Variants in MS4A18 observed in about 807,000 individuals in gnomAD.
The protein encoded by MS4A18 is membrane spanning 4-domains A18, also known as membrane-spanning 4-domains subfamily A member 18.
In MS4A18, 27 loss-of-function variants were observed where a neutral mutation model predicts 13.1. That is an observed-to-expected ratio of 2.06 (90% CI 1.52 to 2.84). MS4A18 has a LOEUF of 2.84. MS4A18 is among the 30% of genes most tolerant of loss of function. The probability of loss-of-function intolerance (pLI) is 0.00; values close to 1 mark genes in which losing one functional copy is unlikely to be tolerated. For synonymous variants in MS4A18, 126 were observed against 76.5 expected (o/e 1.65, Z -3.38); for missense variants, 307 against 196.4 (o/e 1.56, Z -3.37).
At chr11:60,733,582 C>T (rs1395775614) in exon 2 of MS4A18, 2 of 703,414 alleles carry the variant, frequency 2.8e-6, no homozygotes, top group African/African-American at 3.5e-5. Context: ...TGCAATTAAC[C>T]CTGTGCTGTA....
chr11:60,728,365 T>A (rs2134672360), upstream of MS4A18, among the ~76,000 whole-genome samples: 1 of 152,140 alleles, frequency 6.6e-6, no homozygotes, highest in South Asian at 2.1e-4. Flanking sequence ...CAAAAGGACA[T>A]CAAAGACCAA....
At chr11:60,740,126 A>G (rs1853395918) in intron 4 of MS4A18, among the ~76,000 whole-genome samples, 1 of 152,222 alleles carries the variant, frequency 6.6e-6, no homozygotes, top group Non-Finnish European at 1.5e-5. Context: ...ATGTGGAACC[A>G]AGAGCACAAC....
At chr11:60,729,600 T>C (rs1853220729) in exon 1 of MS4A18, 1 of 702,664 alleles carries the variant, frequency 1.4e-6, no homozygotes. Flanking sequence ...AGACGGTGCC[T>C]GGAGTGATCC....
At chr11:60,744,045 G>T in exon 6 of MS4A18, 1 of 673,098 alleles carries the variant, frequency 1.5e-6, no homozygotes, top group South Asian at 1.6e-5. Flanking sequence ...AATGACAAGG[G>T]GATACACTGT....
chr11:60,734,784 C>CTT (rs546950110), intron 2 of MS4A18, among the ~76,000 whole-genome samples: 299 of 138,836 alleles, frequency 2.2e-3, no homozygotes, highest in African/African-American at 7.2e-3. Flanking sequence ...CTTTTCTTTT[C>CTT]TTTTTTTTTT....
At chr11:60,739,541 G>A (rs1239473703) in intron 4 of MS4A18, among the ~76,000 whole-genome samples, 1 of 152,148 alleles carries the variant, frequency 6.6e-6, no homozygotes, top group African/African-American at 2.4e-5. Flanking sequence ...TATCCGGCAA[G>A]GACCCCTGGA....
upstream of MS4A18, among the ~76,000 whole-genome samples, chr11:60,729,103 G>A (rs1468333428): frequency 5.3e-5 from 8 of 152,280 alleles, no homozygotes; most frequent in East Asian, 9.7e-4. Context: ...AAGTAGCCTC[G>A]GGAAACCCTA....
At chr11:60,733,986 G>T (rs771490728) in intron 2 of MS4A18, among the ~76,000 whole-genome samples, 12 of 152,160 alleles carry the variant, frequency 7.9e-5, no homozygotes, top group Non-Finnish European at 1.6e-4. Context: ...GCTCACGCAG[G>T]TAATCCCAGC....
intron 2 of MS4A18, among the ~76,000 whole-genome samples, chr11:60,735,914 G>C (rs1249370485): frequency 6.6e-6 from 1 of 151,672 alleles, no homozygotes; most frequent in Non-Finnish European, 1.5e-5. Context: ...CACCCACCTC[G>C]GCCTCCCAAA....
At chr11:60,730,748 C>G (rs371750287) in intron 1 of MS4A18, among the ~76,000 whole-genome samples, 2 of 152,120 alleles carry the variant, frequency 1.3e-5, no homozygotes, top group Non-Finnish European at 2.9e-5. Context: ...GCCTCCCAAA[C>G]AAATCAAAAT....
intron 1 of MS4A18, among the ~76,000 whole-genome samples, chr11:60,732,479 C>T (rs566367042): frequency 6.6e-6 from 1 of 152,048 alleles, no homozygotes; most frequent in South Asian, 2.1e-4. Flanking sequence ...CCTGTAATCC[C>T]AGCACTTTAA....
exon 1 of MS4A18, chr11:60,729,448 A>G (rs924888455): frequency 2.4e-5 from 17 of 702,680 alleles, no homozygotes; most frequent in Admixed American, 1.4e-4. Context: ...CACTTACCCA[A>G]TCTCACCAAA....
At chr11:60,741,733 T>C (rs1461905003) in intron 5 of MS4A18, among the ~76,000 whole-genome samples, 3 of 152,182 alleles carry the variant, frequency 2.0e-5, no homozygotes, top group African/African-American at 7.2e-5. Context: ...TACAACACTC[T>C]TTCCTCTGGC....
chr11:60,743,800 AC>A lies in MS4A18; in HGVS notation c.1011del (p.Thr338ProfsTer28). On this transcript the variant is annotated frameshift_variant, in exon 6 of 6. Transcript: ENST00000529108. LOFTEE classifies it low-confidence loss of function (END_TRUNC). ...CAATACTACCATTCACCCTGTCAAC[AC>A]CACCACCAGCCCTGTCAACACCACC... The A allele has an allele frequency of 1.4e-6, 1 of 699,344 alleles. No homozygotes were observed. The highest frequency in any genetic ancestry group is 1.5e-5 in the South Asian group (1 of 65,968). 43.3% of individuals were successfully genotyped at this position (699,344 alleles called of 1,614,324 possible).
At chr11:60,738,850 C>T (rs1283599060) in intron 3 of MS4A18, 52 bp from the exon 5 acceptor site, 8 of 699,138 alleles carry the variant, frequency 1.1e-5, no homozygotes, top group East Asian at 8.0e-5. Flanking sequence ...ACAAGCCAGG[C>T]TTCAGACTCT....
At chr11:60,741,061 T>A (rs1853407584) in exon 5 of MS4A18, 2 of 703,018 alleles carry the variant, frequency 2.8e-6, no homozygotes, top group Non-Finnish European at 5.2e-6. Flanking sequence ...GGCGGTCTTC[T>A]CCCCTTTGCC....
chr11:60,726,688 C>T (rs1853165622), upstream of MS4A18, among the ~76,000 whole-genome samples: 1 of 150,496 alleles, frequency 6.6e-6, no homozygotes, highest in Non-Finnish European at 1.5e-5. Flanking sequence ...ACAACAATGG[C>T]CCCTCTCTTT....
rs1274359680 is a variant in MS4A18, at chr11:60,741,159, T to C, written c.858+16T>C. The C allele has an allele frequency of 2.8e-6, 2 of 703,046 alleles. No homozygotes were observed. Among genetic ancestry groups the C allele is most frequent in the Non-Finnish European group, 5.2e-6 (2 of 385,010 alleles). 43.6% of individuals were successfully genotyped at this position (703,046 alleles called of 1,614,324 possible). ...ACAATTTGAGGTAAGCATTGGACTC[T>C]GTTCCAGGAATCAGATCATGCTCTG... On this transcript the variant is annotated intron_variant, in intron 5 of 5. Coordinates refer to ENST00000529108, the Ensembl canonical transcript of MS4A18.
intron 2 of MS4A18, among the ~76,000 whole-genome samples, chr11:60,735,396 CCATCTCGGCTCACTGCAAGCTCCG>C (rs1197843045): frequency 1.3e-4 from 20 of 150,112 alleles, no homozygotes; most frequent in African/African-American, 4.4e-4. Context: ...TGCAGTGGCG[CCATCTCGGCTCACTGCAAGCTCCG>C]CCTCCCGGGT....
Sources: allele counts gnomAD v4.1 joint callset (sites outside exome capture counted in the v4.1 genomes callset), GRCh38; gene constraint gnomAD v4.1.1; transcripts MANE v1.5; gene names NCBI Gene and HGNC (gene_info 2026-07-23, HGNC 2026-07-21).